WDPCP: variants seen among roughly 807,000 people sequenced by gnomAD.
The protein encoded by WDPCP is WD repeat-containing and planar cell polarity effector protein fritz homolog.
In WDPCP, 71 loss-of-function variants were observed where a neutral mutation model predicts 93.1. That is an observed-to-expected ratio of 0.76 (90% confidence interval 0.63 to 0.93). WDPCP has a LOEUF of 0.93. Ranked by LOEUF, WDPCP falls within the 40% of genes least tolerant of loss-of-function variation. WDPCP has a pLI of 0.00. For synonymous variants in WDPCP, 315 were observed against 315.0 expected, an observed-to-expected ratio of 1.00 and a Z score of 0.00; for missense variants, 844 against 887.4, an observed-to-expected ratio of 0.95 and a Z score of 0.62.
chr2:63,413,347 C>T (rs1417580483), intron 9 of WDPCP, among the ~76,000 whole-genome samples: 2 of 152,208 alleles, frequency 1.3e-5, no homozygotes, highest in African/African-American at 2.4e-5. Context: ...GGATCCTCAT[C>T]TCTCACCTTG....
chr2:63,464,876 G>A (rs1403720773), intron 6 of WDPCP, among the ~76,000 whole-genome samples: 1 of 151,972 alleles, frequency 6.6e-6, no homozygotes, highest in Non-Finnish European at 1.5e-5. Flanking sequence ...GTTACCAGGG[G>A]TTGAGGGGAG....
chr2:63,433,970 T>C, intron 8 of WDPCP, 34 bp from the exon 9 acceptor site: 2 of 1,602,690 alleles, frequency 1.2e-6, no homozygotes, highest in Non-Finnish European at 1.7e-6. Context: ...ATGAAACATT[T>C]CTTTTAAAAG....
chr2:63,525,863 C>T (rs1172690247), intron 1 of WDPCP, among the ~76,000 whole-genome samples: 3 of 152,194 alleles, frequency 2.0e-5, no homozygotes, highest in African/African-American at 7.2e-5. Flanking sequence ...CTGGGCAAGG[C>T]TGCCTTTCCT....
chr2:63,815,671 G>A (rs1670922891), intron 1 of WDPCP, among the ~76,000 whole-genome samples: 1 of 152,162 alleles, frequency 6.6e-6, no homozygotes, highest in Non-Finnish European at 1.5e-5. Context: ...AGAATCTAAG[G>A]GTGGGAGGGC....
intron 14 of WDPCP, among the ~76,000 whole-genome samples, chr2:63,219,401 A>G (rs2104469410): frequency 6.6e-6 from 1 of 152,278 alleles, no homozygotes; most frequent in South Asian, 2.1e-4. Flanking sequence ...AAGTAAAACC[A>G]CATTTTATCA....
rs570847638 is a variant in WDPCP at position 63,204,466 on chromosome 2, C to T, written c.1916-29634G>A. On this transcript the variant is annotated intron_variant, in intron 14 of 17. Coordinates refer to ENST00000272321, the MANE Select transcript of WDPCP (RefSeq NM_015910.7). ...AAGCGATTCTCTTGCCTCAGCCTCC[C>T]GAGTAGCTGGGATTACAGGCACCTG... Among the ~76,000 whole-genome samples, 4 of 151,682 alleles carry T rather than the reference C, an allele frequency of 2.6e-5. No homozygotes were observed. In the South Asian group the frequency reaches 6.3e-4, roughly 24 times the overall value.
rs369038256 is a variant in WDPCP, at chr2:63,816,725, C to T, written n.223-3018G>A. On this transcript the variant is annotated intron_variant and non_coding_transcript_variant, in intron 1 of 4. Transcript: ENST00000467687. The stretch of plus-strand genomic sequence containing the variant: ...GTTTGTAGTCATTTGTTAAGGCAGC[C>T]CTAGGAAACTAATACAGGGATATTC... 1.1e-4 allele frequency among the ~76,000 whole-genome samples: 16 copies of T among 152,088 alleles called. No homozygotes were observed. The South Asian group carries it at 3.3e-3, about 32-fold the overall frequency.
the WDPCP span, among the ~76,000 whole-genome samples, chr2:63,833,974 TAC>T: frequency 1.6e-3 from 242 of 149,504 alleles, no homozygotes; most frequent in African/African-American, 4.7e-3. Context: ...TATGCCAACA[TAC>T]ACACACACAC....
At chr2:63,450,741 T>C (rs922280902) in intron 6 of WDPCP, among the ~76,000 whole-genome samples, 1 of 152,138 alleles carries the variant, frequency 6.6e-6, no homozygotes, top group African/African-American at 2.4e-5. Flanking sequence ...ACTGATGCTG[T>C]TTCCAGATGA....
intron 1 of WDPCP, among the ~76,000 whole-genome samples, chr2:63,532,833 T>A (rs559592581): frequency 6.6e-6 from 1 of 152,192 alleles, no homozygotes; most frequent in Non-Finnish European, 1.5e-5. Context: ...AATATCATAA[T>A]GACAGGATCA....
At chr2:63,352,284 CT>C (rs1199690158) in intron 12 of WDPCP, among the ~76,000 whole-genome samples, 1 of 152,030 alleles carries the variant, frequency 6.6e-6, no homozygotes, top group African/African-American at 2.4e-5. Context: ...TCAGGATGCA[CT>C]TGTCTATTTT....
chr2:63,398,699 T>A (rs1006079551), intron 10 of WDPCP, among the ~76,000 whole-genome samples: 12 of 152,142 alleles, frequency 7.9e-5, no homozygotes, highest in Non-Finnish European at 1.5e-4. Flanking sequence ...GATCTATCTT[T>A]ACAATTTTAA....
At chr2:63,152,986 A>C in intron 16 of WDPCP, 41 bp from the exon 17 acceptor site, 1 of 1,584,704 alleles carries the variant, frequency 6.3e-7, no homozygotes, top group Non-Finnish European at 8.6e-7. Flanking sequence ...TTAAAAGTCT[A>C]ATAATGGACC....
chr2:63,300,920 C>A (rs991820584), intron 13 of WDPCP, among the ~76,000 whole-genome samples: 2 of 151,854 alleles, frequency 1.3e-5, no homozygotes. Flanking sequence ...TCTCTCTCTG[C>A]CTTTGGTCTG....
At chr2:63,684,501 C>A in intron 2 of WDPCP, 1 of 748,478 alleles carries the variant, frequency 1.3e-6, no homozygotes, top group Non-Finnish European at 2.5e-6. Context: ...GCCAAGAGGT[C>A]AAAGATCAAG....
chr2:63,303,173 C>T (rs1685461142), intron 13 of WDPCP, among the ~76,000 whole-genome samples: 1 of 152,326 alleles, frequency 6.6e-6, no homozygotes, highest in South Asian at 2.1e-4. Flanking sequence ...CTATAACTTC[C>T]AAGGCCTGCA....
At chr2:63,361,065 A>C (rs1690409502) in intron 12 of WDPCP, among the ~76,000 whole-genome samples, 1 of 152,212 alleles carries the variant, frequency 6.6e-6, no homozygotes, top group South Asian at 2.1e-4. Flanking sequence ...ATCTTAGTAG[A>C]GTGTTTTCGT....
At chr2:63,518,798 C>G (rs557559879) in intron 1 of WDPCP, 1 of 152,350 alleles carries the variant, frequency 6.6e-6, no homozygotes, top group Admixed American at 6.5e-5. Context: ...ACTAGGGTAC[C>G]ACGTGGGCTC....
At chr2:63,385,903 G>C (rs906147827) in intron 10 of WDPCP, among the ~76,000 whole-genome samples, 2 of 152,102 alleles carry the variant, frequency 1.3e-5, no homozygotes, top group African/African-American at 4.8e-5. Flanking sequence ...AATGGTACTT[G>C]CTTAAGGTAC....
Sources: allele counts gnomAD v4.1 joint callset (sites outside exome capture counted in the v4.1 genomes callset), GRCh38; gene constraint gnomAD v4.1.1; transcripts MANE v1.5; gene names NCBI Gene and HGNC (gene_info 2026-07-23, HGNC 2026-07-21).